ELP2: variants seen among roughly 807,000 people sequenced by gnomAD.
ELP2 encodes the protein elongator acetyltransferase complex subunit 2.
In ELP2, 90 loss-of-function variants were observed where a neutral mutation model predicts 119.2. The ratio of observed to expected loss-of-function variants is 0.75; its 90% CI spans 0.64 to 0.90. ELP2 has a LOEUF of 0.90. Ranked by LOEUF, ELP2 falls within the 40% of genes least tolerant of loss-of-function variation. The pLI is 0.00. For synonymous variants in ELP2, 339 were observed against 331.0 expected, an observed-to-expected ratio of 1.02 and a Z score of -0.26; for missense variants, 921 against 967.8, an observed-to-expected ratio of 0.95 and a Z score of 0.64.
Position 36,136,313 on chromosome 18 carries a change from C to G in ELP2, c.224C>G (p.Ser75Cys), listed in dbSNP as rs74438152. 3.7e-4 allele frequency: 594 copies of G among 1,610,290 alleles called. 1 individual carries two copies. The African/African-American group carries it at 7.0e-3, about 19-fold the overall frequency. ...GAGATATAATTTTTTTCAGCCCCTT[C>G]TACTGAATTAGTTTCTGGAGGATCT... Reference protein sequence around the residue: ...QWICKQDGSPSTELVSGGSDN... With the variant: ...QWICKQDGSPCTELVSGGSDN... Residue 75 changes from serine (S) to cysteine (C), a missense_variant, in exon 3 of 22, where the codon TCT (serine) becomes TGT (cysteine). Ser to Cys is a moderately radical substitution (Grantham distance 112, BLOSUM62 -1). Transcript: ENST00000358232.
At position 36,171,174 on chromosome 18, in the gene ELP2, A is replaced by C; in HGVS notation, c.2324+14A>C. ...AACAAGTCAAAGGTATTTCTTTCCT[A>C]TTTTTGTTTCCATCAGATTAACTAG... On this transcript the variant is annotated intron_variant, in intron 21 of 21. Coordinates refer to ENST00000358232, the MANE Select transcript of ELP2 (RefSeq NM_018255.4). The C allele has an allele frequency of 6.3e-7, 1 of 1,593,140 alleles. No homozygotes were observed. Among genetic ancestry groups the C allele is most frequent in the Non-Finnish European group, 8.6e-7 (1 of 1,162,264 alleles).
chr18:36,164,107 A>C (rs2090822306), intron 17 of ELP2, among the ~76,000 whole-genome samples: 1 of 151,978 alleles, frequency 6.6e-6, no homozygotes, highest in Non-Finnish European at 1.5e-5. Context: ...TAAACCCTTT[A>C]TTTTGGGATA....
At chr18:36,157,482 G>A (rs2144730494) in intron 13 of ELP2, among the ~76,000 whole-genome samples, 1 of 152,240 alleles carries the variant, frequency 6.6e-6, no homozygotes, top group African/African-American at 2.4e-5. Context: ...ATAGAAGTGG[G>A]GAGAATGGGG....
At chr18:36,136,451 T>C (rs2089828975) in intron 3 of ELP2, 74 bp downstream of exon 3, 2 of 1,237,972 alleles carry the variant, frequency 1.6e-6, no homozygotes, top group African/African-American at 1.5e-5. Flanking sequence ...AGTTTCACTC[T>C]GTCACCCAGG....
chr18:36,132,952 T>C (rs2089685694), intron 1 of ELP2, among the ~76,000 whole-genome samples: 1 of 152,014 alleles, frequency 6.6e-6, no homozygotes, highest in Non-Finnish European at 1.5e-5. Context: ...ATGTGGGCAC[T>C]GTAGGAGAGT....
At chr18:36,156,020 G>A (rs183511919) in intron 12 of ELP2, among the ~76,000 whole-genome samples, 1 of 152,314 alleles carries the variant, frequency 6.6e-6, no homozygotes, top group East Asian at 1.9e-4. Context: ...CCAGTTAATT[G>A]CTAAGTGTTG....
rs758186291 is a variant in ELP2 at position 36,146,306 on chromosome 18, T to C, written c.1050T>C (p.Asn350=). ...TGGGATTTTATGATTGCCAGTTCAA[T>C]GAAGATGGCTCCATGATCATTGCTC... is the stretch of plus-strand genomic sequence containing the variant. The part of the protein sequence containing the change: ...NTLGFYDCQF[N]EDGSMIIAHA... Residue 350 remains asparagine (N), a synonymous_variant, in exon 11 of 22, where the codon AAT becomes AAC. Transcript: ENST00000358232. 31 of 1,614,038 alleles carry C rather than the reference T, an allele frequency of 1.9e-5. No individual in the cohort carries two copies. Among genetic ancestry groups the C allele is most frequent in the Non-Finnish European group, 2.6e-5 (31 of 1,180,002 alleles).
At chr18:36,153,342 C>T (rs140523919) in intron 11 of ELP2, among the ~76,000 whole-genome samples, 7 of 152,298 alleles carry the variant, frequency 4.6e-5, no homozygotes, top group East Asian at 1.9e-4. Context: ...ATTCCCCACC[C>T]TTTTATCCTT....
rs781313671 is a variant in ELP2, at chr18:36,160,992, C to T, written c.1749C>T (p.Ala583=). ...GTAACAGTTCAAAGACTCTGCTTGC[C>T]TCAGCTTGTAAGGTAGGGAAGTTTA... ...VTCNSSKTLL[A]SACKAAKKEH... The change falls in exon 17 of 22, where the codon GCC becomes GCT. Residue 583 remains alanine, a synonymous_variant. Transcript: ENST00000358232. 3.9e-5 allele frequency: 63 copies of T among 1,613,120 alleles called. No individual in the cohort carries two copies. Among genetic ancestry groups the T allele is most frequent in the Non-Finnish European group, 5.0e-5 (59 of 1,179,336 alleles).
intron 13 of ELP2, among the ~76,000 whole-genome samples, chr18:36,157,014 G>A (rs1300668163): frequency 6.6e-6 from 1 of 152,200 alleles, no homozygotes; most frequent in Non-Finnish European, 1.5e-5. Context: ...GTAGGGGGCA[G>A]TGGAACTAAT....
At chr18:36,172,753 A>G (rs907008658) in intron 21 of ELP2, among the ~76,000 whole-genome samples, 6 of 152,204 alleles carry the variant, frequency 3.9e-5, no homozygotes, top group Admixed American at 2.0e-4. Context: ...ACCATGTGGG[A>G]CACTGGTGGG....
chr18:36,145,910 T>G, intron 9 of ELP2, 38 bp from the exon 10 acceptor site: 3 of 1,510,614 alleles, frequency 2.0e-6, no homozygotes, highest in Non-Finnish European at 2.8e-6. Flanking sequence ...AACATGATGA[T>G]TGTTGATCAC....
chr18:36,142,745 A>T (rs1039700666), intron 7 of ELP2, 81 bp from the exon 8 acceptor site: 1 of 906,188 alleles, frequency 1.1e-6, no homozygotes, highest in South Asian at 1.6e-5. Flanking sequence ...CTGGAAATAT[A>T]TATATTATAG....
intron 12 of ELP2, among the ~76,000 whole-genome samples, chr18:36,155,663 C>T (rs905475733): frequency 2.0e-5 from 3 of 152,140 alleles, no homozygotes; most frequent in African/African-American, 7.2e-5. Context: ...CTCAGCCTCC[C>T]AAGTAACTAA....
chr18:36,155,876 A>G (rs1298241323), intron 12 of ELP2, among the ~76,000 whole-genome samples: 1 of 152,226 alleles, frequency 6.6e-6, no homozygotes, highest in Non-Finnish European at 1.5e-5. Flanking sequence ...GGAAATTTTC[A>G]CTGTGTTAGG....
At position 36,170,161 on chromosome 18, in the gene ELP2, T is replaced by G; in HGVS notation, c.2175T>G (p.Ala725=). The G allele has an allele frequency of 6.2e-7, 1 of 1,614,144 alleles. No homozygotes were observed. The highest frequency in any genetic ancestry group is 8.5e-7 in the Non-Finnish European group (1 of 1,180,012). The change falls in exon 20 of 22, where the codon GCT becomes GCG. Residue 725 remains alanine (A), a synonymous_variant. Transcript: ENST00000358232. ...TGGACGTGGGTGGGGCTGTGACAGC[T>G]GTCAGCGTCTGCCCAGTGCTCCACC... is the stretch of plus-strand genomic sequence containing the variant. The part of the protein sequence containing the change: ...SVLDVGGAVT[A]VSVCPVLHPS...
chr18:36,172,781 C>T (rs1297059550), intron 21 of ELP2, among the ~76,000 whole-genome samples: 1 of 152,174 alleles, frequency 6.6e-6, no homozygotes, highest in African/African-American at 2.4e-5. Context: ...TTAGAAAGTG[C>T]AGGAAGGGAA....
rs760642020 is a variant in ELP2, at chr18:36,138,353, TG to T, written c.373del (p.Ala125HisfsTer5). On this transcript the variant is annotated frameshift_variant, in exon 4 of 22. Transcript: ENST00000358232. LOFTEE classifies it high-confidence loss of function. ...AVYQRRTSDP[A>X]LCTLIVSAAA... ...TTTACCAGAGGAGGACATCAGATCC[TG>T]CATTATGTACACTGATCGTTTCTGC... 13 of 1,614,156 alleles carry T rather than the reference TG, an allele frequency of 8.1e-6. No homozygotes were observed. The Admixed American group carries it at 1.8e-4, about 23-fold the overall frequency.
chr18:36,167,274 T>C, intron 19 of ELP2, 52 bp downstream of exon 19: 2 of 1,357,400 alleles, frequency 1.5e-6, no homozygotes, highest in Non-Finnish European at 2.0e-6. Context: ...AATATTTTTA[T>C]AGGTATGTTT....
Sources: gnomAD v4.1 joint callset for allele counts (sites outside exome capture counted in the v4.1 genomes callset) on GRCh38, gnomAD v4.1.1 for gene constraint, MANE v1.5 for transcripts, NCBI Gene and HGNC (gene_info 2026-07-23, HGNC 2026-07-21) for gene names.